MN1: variants seen among roughly 807,000 people sequenced by gnomAD.
The protein encoded by MN1 is transcriptional activator MN1.
In MN1, 19 loss-of-function variants were observed where a neutral mutation model predicts 86.9. The observed-to-expected ratio is 0.22, with a 90% CI of 0.15 to 0.32. The LOEUF (loss-of-function observed/expected upper bound fraction) is 0.32. Ranked by LOEUF, MN1 falls within the 10% of genes least tolerant of loss-of-function variation. MN1 has a pLI of 1.00. For synonymous variants in MN1, 928 were observed against 849.6 expected, an observed-to-expected ratio of 1.09 and a Z score of -1.60; for missense variants, 1,841 against 1,862.0, an observed-to-expected ratio of 0.99 and a Z score of 0.21.
chr22:27,753,072 G>A lies in MN1; in HGVS notation c.3782-1976C>T, dbSNP rs45604935. Among the ~76,000 whole-genome samples the A allele has an allele frequency of 3.9e-3, 592 of 152,336 alleles. 8 individuals carry two copies. The highest frequency in any genetic ancestry group is 0.014 in the African/African-American group (573 of 41,570). On this transcript the variant is annotated intron_variant, in intron 1 of 1. Transcript: ENST00000302326. ...CTGGGCTTGGGGCCCCCACCCTGGA[G>A]CCCCAGAGACACTCAGCTTTGGGAC...
At chr22:27,772,983 G>C (rs1372459242) in intron 1 of MN1, among the ~76,000 whole-genome samples, 3 of 151,660 alleles carry the variant, frequency 2.0e-5, no homozygotes, top group Non-Finnish European at 4.4e-5. Context: ...AGAAGAATTT[G>C]GGGAAGGCCT....
intron 1 of MN1, among the ~76,000 whole-genome samples, chr22:27,791,295 C>A (rs1367668051): frequency 6.6e-6 from 1 of 152,072 alleles, no homozygotes; most frequent in African/African-American, 2.4e-5. Context: ...AAATTTCCTC[C>A]AAATGTCCCT....
At chr22:27,783,663 T>C (rs1933083596) in intron 1 of MN1, among the ~76,000 whole-genome samples, 1 of 152,130 alleles carries the variant, frequency 6.6e-6, no homozygotes, top group Non-Finnish European at 1.5e-5. Context: ...TTATCTCAAC[T>C]GGAAAATGTT....
intron 1 of MN1, among the ~76,000 whole-genome samples, chr22:27,760,075 C>T (rs140336547): frequency 2.5e-3 from 385 of 152,214 alleles, no homozygotes; most frequent in African/African-American, 8.9e-3. Context: ...ATTGGCTGGG[C>T]GTGGTGGCTC....
intron 1 of MN1, among the ~76,000 whole-genome samples, chr22:27,762,826 C>T (rs188632599): frequency 6.6e-6 from 1 of 152,100 alleles, no homozygotes; most frequent in Non-Finnish European, 1.5e-5. Context: ...AGGCCGAGTG[C>T]GGTGGCTCAT....
chr22:27,799,218 C>A lies in MN1; in HGVS notation c.1326G>T (p.Leu442=). The change falls in exon 1 of 2, where the codon CTG becomes CTT. Residue 442 remains leucine, a synonymous_variant. Coordinates refer to ENST00000302326, the MANE Select transcript of MN1 (RefSeq NM_002430.3). ...PPPQQAPNQR[L]QHFDAPPYMN... ...TGTAGGGGGGCGCGTCGAAATGCTG[C>A]AGCCGCTGGTTGGGCGCCTGCTGCG... 2.5e-6 allele frequency: 4 copies of A among 1,599,612 alleles called. No homozygotes were observed. The highest frequency in any genetic ancestry group is 3.4e-6 in the Non-Finnish European group (4 of 1,170,924).
Position 27,799,182 on chromosome 22 carries a change from G to A in MN1, c.1362C>T (p.Ala454=). The A allele has an allele frequency of 2.5e-6, 4 of 1,606,464 alleles. No homozygotes were observed. The highest frequency in any genetic ancestry group is 3.4e-6 in the Non-Finnish European group (4 of 1,174,898). The stretch of plus-strand genomic sequence containing the variant: ...CCGGAAAGTCGAAGCGCGGCCTCTT[G>A]GCCACGTTCATGTAGGGGGGCGCGT... ...HFDAPPYMNV[A]KRPRFDFPGS... Residue 454 remains alanine (A), a synonymous_variant, in exon 1 of 2, where the codon GCC becomes GCT. Transcript: ENST00000302326.
At chr22:27,793,096 A>G (rs1933236927) in intron 1 of MN1, among the ~76,000 whole-genome samples, 1 of 152,200 alleles carries the variant, frequency 6.6e-6, no homozygotes, top group Non-Finnish European at 1.5e-5. Flanking sequence ...GACTGCTCCC[A>G]TTTCAATGTA....
chr22:27,786,110 AC>A (rs1355012909), intron 1 of MN1, among the ~76,000 whole-genome samples: 1 of 152,156 alleles, frequency 6.6e-6, no homozygotes, highest in Non-Finnish European at 1.5e-5. Context: ...TGCCGAAAAC[AC>A]CATTTCTCAA....
chr22:27,792,066 T>G (rs1177267775), intron 1 of MN1, among the ~76,000 whole-genome samples: 1 of 152,078 alleles, frequency 6.6e-6, no homozygotes, highest in African/African-American at 2.4e-5. Context: ...TCAAAACCTA[T>G]TAAGATTCTT....
At position 27,798,183 on chromosome 22, in the gene MN1, C is replaced by T; in HGVS notation, c.2361G>A (p.Pro787=). 1 of 1,559,612 alleles carries T rather than the reference C, an allele frequency of 6.4e-7. No homozygotes were observed. Residue 787 remains proline (P), a synonymous_variant, in exon 1 of 2, where the codon CCG becomes CCA. Transcript: ENST00000302326. ...GCTGGCTGGGCTGGAAATCAGGCTG[C>T]GGCGGGTAGGCACCCCCGCCACCGC... ...GGGGGGGAYP[P]QPDFQPSQRT... is the part of the protein sequence containing the mutation.
chr22:27,796,655 G>T, intron 1 of MN1, 108 bp downstream of exon 1: 1 of 1,171,272 alleles, frequency 8.5e-7, no homozygotes, highest in Non-Finnish European at 1.2e-6. Context: ...GATTAGGAGG[G>T]TTTGTGCCCT....
At chr22:27,772,415 G>A (rs1334022051) in intron 1 of MN1, among the ~76,000 whole-genome samples, 5 of 152,252 alleles carry the variant, frequency 3.3e-5, no homozygotes, top group African/African-American at 1.2e-4. Flanking sequence ...AGAGCAGTTA[G>A]AGTGTGGGGA....
chr22:27,791,233 C>T (rs1398509877), intron 1 of MN1, among the ~76,000 whole-genome samples: 1 of 152,052 alleles, frequency 6.6e-6, no homozygotes, highest in African/African-American at 2.4e-5. Flanking sequence ...GAGCTGGCCC[C>T]CAGACCACTT....
At chr22:27,752,059 C>T (rs1764754339) in intron 1 of MN1, among the ~76,000 whole-genome samples, 2 of 152,138 alleles carry the variant, frequency 1.3e-5, no homozygotes, top group African/African-American at 2.4e-5. Context: ...CTTGCTCATA[C>T]TCCATTTTAC....
At chr22:27,773,961 T>G (rs9613527) in intron 1 of MN1, among the ~76,000 whole-genome samples, 19,128 of 152,100 alleles carry the variant, frequency 0.13, 1,367 homozygotes, top group East Asian at 0.18. Context: ...GCCTTGATCC[T>G]TTGATGTACA....
chr22:27,752,933 C>T (rs959065443), intron 1 of MN1, among the ~76,000 whole-genome samples: 3 of 152,340 alleles, frequency 2.0e-5, no homozygotes, highest in African/African-American at 4.8e-5. Context: ...GTCACCGGCC[C>T]GCCCTGCCCT....
In MN1 at chr22:27,799,397, G is replaced by T; in HGVS notation, c.1147C>A (p.Gln383Lys). 1 of 1,518,308 alleles carries T rather than the reference G, an allele frequency of 6.6e-7. No homozygotes were observed. The allele number at this position is 1,518,308 out of a possible 1,614,324, so 94.1% of individuals were successfully genotyped here. A position where few individuals can be genotyped will look rare whatever the true frequency, so the allele number is the denominator to read the frequency against. Residue 383 changes from glutamine to lysine, a missense_variant, in exon 1 of 2, where the codon CAG becomes AAG. Transcript: ENST00000302326. ...CCGCTGGGCGTGCCCGCCTCGCCCTGCTGGGGCCGAGGGAGCGCAGGCGGG... is the reference window on the plus strand; with the variant it reads ...CCGCTGGGCGTGCCCGCCTCGCCCTTCTGGGGCCGAGGGAGCGCAGGCGGG... ...SCPPALPRPQQGEAGTPSGGL... is the reference protein window; with the variant it reads ...SCPPALPRPQKGEAGTPSGGL...
rs926847523 is a variant in MN1 at position 27,748,309 on chromosome 22, C to T, written c.*2606G>A. On this transcript the variant is annotated 3_prime_UTR_variant, in exon 2 of 2. Coordinates refer to ENST00000302326, the MANE Select transcript of MN1 (RefSeq NM_002430.3). Reference sequence around the variant, plus strand: ...TAACGTCATATTTATTGTTATTTAACTGCTCAGGAAAACATATACAGGTAT... The same window carrying T: ...TAACGTCATATTTATTGTTATTTAATTGCTCAGGAAAACATATACAGGTAT... The T allele has an allele frequency of 5.7e-6, 1 of 175,298 alleles. No individual in the cohort carries two copies. The highest frequency in any genetic ancestry group is 1.2e-5 in the Non-Finnish European group (1 of 81,030). The allele number at this position is 175,298 out of a possible 1,614,324, so 10.9% of individuals were successfully genotyped here.
Sources: allele counts gnomAD v4.1 joint callset (sites outside exome capture counted in the v4.1 genomes callset), GRCh38; gene constraint gnomAD v4.1.1; transcripts MANE v1.5; gene names NCBI Gene and HGNC (gene_info 2026-07-23, HGNC 2026-07-21).